Variants in CHFR observed in about 807,000 individuals in gnomAD.
CHFR encodes the protein E3 ubiquitin-protein ligase CHFR.
CHFR carries 57 observed loss-of-function variants against 87.6 expected under a neutral mutation model. The observed-to-expected ratio is 0.65, with a 90% CI of 0.53 to 0.81. CHFR has a LOEUF of 0.81. Among genes scored for constraint, CHFR ranks in the 30% least tolerant of loss-of-function variants. CHFR has a pLI of 0.00. For missense variants in CHFR, 797 were observed against 865.8 expected, an observed-to-expected ratio of 0.92 and a Z score of 1.00; for synonymous variants, 381 against 359.2, an observed-to-expected ratio of 1.06 and a Z score of -0.69.
At chr12:132,850,962 TGC>T (rs1653067243) in intron 12 of CHFR, among the ~76,000 whole-genome samples, 1 of 89,098 alleles carries the variant, frequency 1.1e-5, no homozygotes, top group Non-Finnish European at 2.2e-5. Context: ...TGTATGTGTG[TGC>T]ATATATATAT....
Position 132,853,433 on chromosome 12 carries a change from G to T in CHFR, c.1370C>A (p.Thr457Lys). 6.6e-7 allele frequency: 1 copy of T among 1,523,992 alleles called. No individual in the cohort carries two copies. 94.4% of individuals were successfully genotyped at this position (1,523,992 alleles called of 1,614,324 possible). A position where few individuals can be genotyped will look rare whatever the true frequency, so the allele number is the denominator to read the frequency against. ...DAPSTSVSLT[T>K]AVQDYVCPLQ... Reference sequence around the variant, plus strand: ...GGCCTGAGGGCGGCGCGGCTCACCTGTCGTCAGGCTGACGGACGTGGAGGG... The same window carrying T: ...GGCCTGAGGGCGGCGCGGCTCACCTTTCGTCAGGCTGACGGACGTGGAGGG... Residue 457 changes from threonine (T) to lysine (K), a missense_variant and splice_region_variant, in exon 11 of 18, where the codon ACA (threonine) becomes AAA (lysine). By Grantham distance (78) the Thr-to-Lys change is moderately conservative. This residue lies in a region of CHFR where 597 missense variants were observed against 601.2 expected (regional missense o/e 0.99). Coordinates refer to ENST00000450056, the MANE Select transcript of CHFR (RefSeq NM_001161346.2).
At chr12:132,841,695 T>C (rs1191672688) in intron 17 of CHFR, 99 bp from the exon 18 acceptor site, 3 of 966,800 alleles carry the variant, frequency 3.1e-6, no homozygotes, top group Non-Finnish European at 5.1e-6. Flanking sequence ...AATAAACGCA[T>C]TCGGAAACCA....
chr12:132,865,653 CTTT>C (rs57560560), intron 6 of CHFR, among the ~76,000 whole-genome samples: 6 of 58,228 alleles, frequency 1.0e-4, no homozygotes, highest in African/African-American at 2.0e-4. Flanking sequence ...GATTACAGGT[CTTT>C]TTTTTTTTTT....
chr12:132,865,249 C>T (rs1951307837), intron 6 of CHFR, among the ~76,000 whole-genome samples: 1 of 152,226 alleles, frequency 6.6e-6, no homozygotes, highest in Non-Finnish European at 1.5e-5. Context: ...CACATCCCAG[C>T]TGTGCCCAAG....
At chr12:132,874,755 G>A (rs1951584742) in intron 3 of CHFR, among the ~76,000 whole-genome samples, 1 of 150,162 alleles carries the variant, frequency 6.7e-6, no homozygotes, top group Non-Finnish European at 1.5e-5. Context: ...GGGAAGCCAG[G>A]CCCTGGAACA....
chr12:132,837,160 T>C lies in CHFR; in HGVS notation c.*4394A>G. 1 of 276,342 alleles carries C rather than the reference T, an allele frequency of 3.6e-6. No homozygotes were observed. The highest frequency in any genetic ancestry group is 7.1e-6 in the Non-Finnish European group (1 of 141,304). The allele number at this position is 276,342 out of a possible 1,614,324, so 17.1% of individuals were successfully genotyped here. A position where few individuals can be genotyped will look rare whatever the true frequency, so the allele number is the denominator to read the frequency against. On this transcript the variant is annotated 3_prime_UTR_variant, in exon 18 of 18. Transcript: ENST00000450056. ...GGAGAAGCAGGTAGGGAGAAGAGGT[T>C]TTCTGAGGGGTGGAGGCAGGGGTCA...
intron 3 of CHFR, among the ~76,000 whole-genome samples, chr12:132,873,643 G>T (rs894290602): frequency 1.5e-4 from 21 of 138,490 alleles, no homozygotes; most frequent in Non-Finnish European, 3.0e-4. Context: ...GCTGGCTACG[G>T]GGCTGGAGTG....
chr12:132,853,209 G>T (rs1170933436), intron 11 of CHFR, among the ~76,000 whole-genome samples: 1 of 152,212 alleles, frequency 6.6e-6, no homozygotes, highest in Non-Finnish European at 1.5e-5. Context: ...GAGTGTTCAG[G>T]AGGGGCTACG....
chr12:132,835,508 G>C lies in CHFR; in HGVS notation c.*6046C>G, dbSNP rs1277803851. 6.4e-6 allele frequency: 1 copy of C among 156,654 alleles called. No homozygotes were observed. The highest frequency in any genetic ancestry group is 2.4e-5 in the African/African-American group (1 of 41,382). 9.7% of individuals were successfully genotyped at this position (156,654 alleles called of 1,614,324 possible). A position where few individuals can be genotyped will look rare whatever the true frequency, so the allele number is the denominator to read the frequency against. On this transcript the variant is annotated 3_prime_UTR_variant, in exon 18 of 18. Transcript: ENST00000450056. The stretch of plus-strand genomic sequence containing the variant: ...AAGATAAAATGAGGCCACTGGTGTG[G>C]GCCCTAATCCAATAGGACTGGTGTC...
Position 132,841,647 on chromosome 12 carries a change from CAAAT to C in CHFR, c.1917-55_1917-52del, listed in dbSNP as rs761444812. ...CACAAGAGAGCATTGGAGAGGCAAT[CAAAT>C]AAATTACACAACAGAGCATCAGAAA... On this transcript the variant is annotated intron_variant, in intron 17 of 17. Coordinates refer to ENST00000450056, the MANE Select transcript of CHFR (RefSeq NM_001161346.2). 4 of 1,449,466 alleles carry C rather than the reference CAAAT, an allele frequency of 2.8e-6. No individual in the cohort carries two copies. In the African/African-American group the frequency reaches 4.2e-5, roughly 15 times the overall value. The allele number at this position is 1,449,466 out of a possible 1,614,324, so 89.8% of individuals were successfully genotyped here. A position where few individuals can be genotyped will look rare whatever the true frequency, so the allele number is the denominator to read the frequency against.
rs907931110 is a variant in CHFR, at chr12:132,836,975, G to C, written c.*4579C>G. ...AAACAGATGTTTCCTTTCCGATAGT[G>C]ACAGGTGCTGGGGGGAAACTAGACT... On this transcript the variant is annotated 3_prime_UTR_variant, in exon 18 of 18. Transcript: ENST00000450056. The C allele has an allele frequency of 2.8e-6, 1 of 362,548 alleles. No homozygotes were observed. Among genetic ancestry groups the C allele is most frequent in the African/African-American group, 2.1e-5 (1 of 46,730 alleles). The allele number at this position is 362,548 out of a possible 1,614,324, so 22.5% of individuals were successfully genotyped here.
chr12:132,841,462 C>T lies in CHFR; in HGVS notation c.*92G>A. 1 of 1,116,088 alleles carries T rather than the reference C, an allele frequency of 9.0e-7. No individual in the cohort carries two copies. The highest frequency in any genetic ancestry group is 1.4e-6 in the Non-Finnish European group (1 of 727,138). 69.1% of individuals were successfully genotyped at this position (1,116,088 alleles called of 1,614,324 possible). On this transcript the variant is annotated 3_prime_UTR_variant, in exon 18 of 18. Coordinates refer to ENST00000450056, the MANE Select transcript of CHFR (RefSeq NM_001161346.2). ...ACCCTGCGTCCCTTCCCTCAGGGGGCTGTGAAAACACCTTGACGTGCTTGT... is the reference window on the plus strand; with the variant it reads ...ACCCTGCGTCCCTTCCCTCAGGGGGTTGTGAAAACACCTTGACGTGCTTGT...
Position 132,843,879 on chromosome 12 carries a change from G to A in CHFR, c.1843+148C>T, listed in dbSNP as rs1593442071. 2.3e-5 allele frequency: 12 copies of A among 524,578 alleles called. No individual in the cohort carries two copies. The East Asian group carries it at 4.0e-4, about 18-fold the overall frequency. The allele number at this position is 524,578 out of a possible 1,614,324, so 32.5% of individuals were successfully genotyped here. A position where few individuals can be genotyped will look rare whatever the true frequency, so the allele number is the denominator to read the frequency against. On this transcript the variant is annotated intron_variant, in intron 16 of 17. Coordinates refer to ENST00000450056, the MANE Select transcript of CHFR (RefSeq NM_001161346.2). ...CAGAAGAATTGCTCGAACTCAGGAG[G>A]CAGAGGTTGCAGTGAGCCGAGATTG...
At chr12:132,853,004 G>A (rs1425275243) in intron 11 of CHFR, among the ~76,000 whole-genome samples, 2 of 152,150 alleles carry the variant, frequency 1.3e-5, no homozygotes, top group African/African-American at 2.4e-5. Context: ...GAAACATTTC[G>A]CATTAAGCCA....
intron 12 of CHFR, 127 bp downstream of exon 12, chr12:132,851,491 C>T: frequency 8.9e-7 from 1 of 1,125,962 alleles, no homozygotes; most frequent in Non-Finnish European, 1.2e-6. Context: ...GAAAACTGAT[C>T]ACACTGATGG....
intron 2 of CHFR, chr12:132,882,798 C>G (rs1951798749): frequency 1.3e-5 from 2 of 152,032 alleles, no homozygotes; most frequent in African/African-American, 4.8e-5. Flanking sequence ...CTTGAACTCC[C>G]AGGCTCATGT....
chr12:132,852,550 C>T (rs1040243279), intron 11 of CHFR, among the ~76,000 whole-genome samples: 2 of 152,222 alleles, frequency 1.3e-5, no homozygotes, highest in African/African-American at 4.8e-5. Context: ...ATAAGGACGG[C>T]AATTTCACCA....
At chr12:132,845,740 A>G (rs1274148094) in intron 15 of CHFR, among the ~76,000 whole-genome samples, 2 of 152,092 alleles carry the variant, frequency 1.3e-5, no homozygotes, top group Non-Finnish European at 2.9e-5. Context: ...ACCCTCACCA[A>G]GTGACTGACA....
chr12:132,872,221 C>CCTATGGGAAGGGATGTAGCCAGGAGG, intron 4 of CHFR, 64 bp downstream of exon 4: 1 of 1,007,122 alleles, frequency 9.9e-7, no homozygotes, highest in Non-Finnish European at 1.6e-6. Flanking sequence ...GAGGAACGTT[C>CCTATGGGAAGGGATGTAGCCAGGAGG]AGAGAGCGCC....
Sources: allele counts gnomAD v4.1 joint callset (sites outside exome capture counted in the v4.1 genomes callset), GRCh38; gene constraint gnomAD v4.1.1; regional missense constraint gnomAD v4.1.1; transcripts MANE v1.5; gene names NCBI Gene and HGNC (gene_info 2026-07-23, HGNC 2026-07-21).